NCOR1: variants seen among roughly 807,000 people sequenced by gnomAD.
NCOR1 encodes the protein protein phosphatase 1, regulatory subunit 109.
A neutral mutation model predicts 288.1 loss-of-function variants in NCOR1; 63 were observed. The ratio of observed to expected loss-of-function variants is 0.22; its 90% confidence interval spans 0.18 to 0.27. NCOR1 has a LOEUF of 0.27. Ranked by LOEUF, NCOR1 falls within the 10% of genes least tolerant of loss-of-function variation. The probability of loss-of-function intolerance (pLI) is 1.00; values close to 1 mark genes in which losing one functional copy is unlikely to be tolerated. For synonymous variants in NCOR1, 1,007 were observed against 1,065.9 expected (o/e 0.94, Z 1.08); for missense variants, 2,397 against 3,019.2 (o/e 0.79, Z 4.83).
intron 37 of NCOR1, among the ~76,000 whole-genome samples, chr17:16,059,565 G>C (rs1395161167): frequency 6.6e-6 from 1 of 152,228 alleles, no homozygotes; most frequent in Admixed American, 6.5e-5. Flanking sequence ...AGAGGGCTAT[G>C]CAGTGGGGCT....
At chr17:16,103,054 C>T (rs959067516) in intron 19 of NCOR1, among the ~76,000 whole-genome samples, 1 of 152,140 alleles carries the variant, frequency 6.6e-6, no homozygotes, top group African/African-American at 2.4e-5. Flanking sequence ...GTTCTATAAT[C>T]GTTTATATTG....
chr17:16,117,430 T>G (rs986628187), intron 18 of NCOR1, among the ~76,000 whole-genome samples: 3 of 151,586 alleles, frequency 2.0e-5, no homozygotes, highest in Non-Finnish European at 4.4e-5. Context: ...TACTAAAAAT[T>G]TAGCATACCT....
intron 2 of NCOR1, among the ~76,000 whole-genome samples, chr17:16,193,385 G>A (rs895460705): frequency 2.6e-5 from 4 of 151,788 alleles, no homozygotes; most frequent in Non-Finnish European, 5.9e-5. Context: ...TGCCTGCCAC[G>A]ATGCCTGGCT....
chr17:16,160,567 G>A (rs1253905870), intron 5 of NCOR1, among the ~76,000 whole-genome samples: 1 of 152,210 alleles, frequency 6.6e-6, no homozygotes, highest in African/African-American at 2.4e-5. Flanking sequence ...CAAGACGGTA[G>A]ATCACTTGAG....
Position 16,112,673 on chromosome 17 carries a change from T to C in NCOR1, c.2056-3761A>G, listed in dbSNP as rs146759108. Among the ~76,000 whole-genome samples the C allele has an allele frequency of 2.6e-5, 4 of 152,164 alleles. No individual in the cohort carries two copies. In the East Asian group the frequency reaches 7.7e-4, roughly 29 times the overall value. ...ACCCAGCTAATTTTTGTATTTTTAG[T>C]AGAGACAGGGTTTCACCACGTTGGC... On this transcript the variant is annotated intron_variant, in intron 18 of 45. Transcript: ENST00000268712.
At chr17:16,138,260 C>T (rs1440669545) in intron 12 of NCOR1, 48 bp from the exon 13 acceptor site, 1 of 1,446,794 alleles carries the variant, frequency 6.9e-7, no homozygotes, top group Admixed American at 2.0e-5. Context: ...AATATTTCAA[C>T]AACTAAAAAA....
intron 4 of NCOR1, among the ~76,000 whole-genome samples, chr17:16,171,371 T>C (rs994176698): frequency 2.0e-5 from 3 of 152,184 alleles, no homozygotes; most frequent in African/African-American, 7.2e-5. Flanking sequence ...ATAGAACTTA[T>C]ATGCACAATT....
intron 5 of NCOR1, among the ~76,000 whole-genome samples, chr17:16,164,026 G>A (rs1210333160): frequency 1.3e-5 from 2 of 152,132 alleles, no homozygotes; most frequent in Non-Finnish European, 2.9e-5. Flanking sequence ...TAGGTATGGA[G>A]TTTCTTTTTG....
chr17:16,121,089 T>C lies in NCOR1; in HGVS notation c.1815A>G (p.Glu605=), dbSNP rs998949594. The change falls in exon 16 of 46, where the codon GAA becomes GAG. Residue 605 remains glutamate, a synonymous_variant. Transcript: ENST00000268712. ...AASAAAAAAT[E]EPPPPLPPPP... ...GCGGTGGCAGAGGTGGTGGGGGCTC[T>C]TCAGTAGCCGCTGCGGCTGCAGCAC... 4 of 1,613,998 alleles carry C rather than the reference T, an allele frequency of 2.5e-6. No individual in the cohort carries two copies. The African/African-American group carries it at 5.3e-5, about 22-fold the overall frequency.
chr17:16,082,941 A>T (rs535073120), intron 23 of NCOR1, among the ~76,000 whole-genome samples: 1 of 152,192 alleles, frequency 6.6e-6, no homozygotes, highest in Non-Finnish European at 1.5e-5. Context: ...TCTGCCTAAC[A>T]GTAAAATACT....
rs148956625 is a variant in NCOR1 at position 16,045,723 on chromosome 17, C to T, written c.6679+1228G>A. On this transcript the variant is annotated intron_variant, in intron 42 of 45. Coordinates refer to ENST00000268712, the MANE Select transcript of NCOR1 (RefSeq NM_006311.4). Reference sequence around the variant, plus strand: ...GTTTCACCATCTTGCCCAGGCTGGCCTCAAACTCTTGATCTCAGGTGATCA... The same window carrying T: ...GTTTCACCATCTTGCCCAGGCTGGCTTCAAACTCTTGATCTCAGGTGATCA... Among the ~76,000 whole-genome samples, 1,254 of 152,234 alleles carry T rather than the reference C, an allele frequency of 8.2e-3. 16 individuals carry two copies. The highest frequency in any genetic ancestry group is 0.028 in the African/African-American group (1,183 of 41,528).
At chr17:16,107,469 A>G (rs961405669) in intron 19 of NCOR1, among the ~76,000 whole-genome samples, 18 of 152,190 alleles carry the variant, frequency 1.2e-4, no homozygotes, top group Non-Finnish European at 1.5e-5. Context: ...TCTGCAAGCC[A>G]CAAAGACAGC....
Position 16,038,409 on chromosome 17 carries a change from T to C in NCOR1, c.6955+1024A>G, listed in dbSNP as rs570644771. Among the ~76,000 whole-genome samples, 3 of 150,334 alleles carry C rather than the reference T, an allele frequency of 2.0e-5. No individual in the cohort carries two copies. In the East Asian group the frequency reaches 5.8e-4, roughly 29 times the overall value. ...CCGGATGATGTGATCTGAAGAACTG[T>C]TTCTTTTTCTTCCCTTTTTCCTACT... On this transcript the variant is annotated intron_variant, in intron 44 of 45. Transcript: ENST00000268712.
rs535573750 is a variant in NCOR1 at position 16,073,648 on chromosome 17, C to G, written c.3671-79G>C. The G allele has an allele frequency of 1.1e-4, 124 of 1,146,146 alleles. No individual in the cohort carries two copies. The South Asian group carries it at 3.6e-3, about 33-fold the overall frequency. The allele number at this position is 1,146,146 out of a possible 1,614,324, so 71.0% of individuals were successfully genotyped here. A position where few individuals can be genotyped will look rare whatever the true frequency, so the allele number is the denominator to read the frequency against. On this transcript the variant is annotated intron_variant, in intron 27 of 45. Transcript: ENST00000268712. ...ACAGTAAATAGGTTAGTTTCATAGT[C>G]TATCTTATAAAAATAATAATATTAA...
rs199552898 is a variant in NCOR1, at chr17:16,127,746, GAT to G, written c.1510-1542_1510-1541del. Among the ~76,000 whole-genome samples, 81 of 99,300 alleles carry G rather than the reference GAT, an allele frequency of 8.2e-4. 2 individuals are homozygous for G. The highest frequency in any genetic ancestry group is 1.4e-3 in the Non-Finnish European group (60 of 44,412). The allele number at this position is 99,300 out of a possible 152,430, so 65.1% of individuals were successfully genotyped here. The stretch of plus-strand genomic sequence containing the variant: ...ACATATATGTGTATATATGTGTGGA[GAT>G]ATATATATATATCTCTCATAGTATA... On this transcript the variant is annotated intron_variant, in intron 14 of 45. Coordinates refer to ENST00000268712, the MANE Select transcript of NCOR1 (RefSeq NM_006311.4).
At position 16,145,558 on chromosome 17, in the gene NCOR1, C is replaced by A. The variant is rs2077806949; in HGVS notation, c.1082+818G>T. Reference sequence around the variant, plus strand: ...CGTCTCTGCCCCGCCGCCACCCTGTCTGGGAGGTGATGAGCGTCTCTGCCC... The same window carrying A: ...CGTCTCTGCCCCGCCGCCACCCTGTATGGGAGGTGATGAGCGTCTCTGCCC... On this transcript the variant is annotated intron_variant, in intron 10 of 45. Coordinates refer to ENST00000268712, the MANE Select transcript of NCOR1 (RefSeq NM_006311.4). Among the ~76,000 whole-genome samples the A allele has an allele frequency of 2.0e-5, 3 of 149,202 alleles. 1 individual carries two copies. The highest frequency in any genetic ancestry group is 3.0e-5 in the Non-Finnish European group (2 of 66,290).
intron 11 of NCOR1, among the ~76,000 whole-genome samples, chr17:16,139,555 T>G (rs550877804): frequency 1.1e-4 from 17 of 152,314 alleles, no homozygotes; most frequent in Non-Finnish European, 2.2e-4. Flanking sequence ...GTCTCATTTT[T>G]TAAAGTCTCA....
At position 16,137,350 on chromosome 17, in the gene NCOR1, G is replaced by T. The variant is rs141474586; in HGVS notation, c.1470C>A (p.Leu490=). The T allele has an allele frequency of 2.5e-6, 4 of 1,603,684 alleles. No individual in the cohort carries two copies. The South Asian group carries it at 4.5e-5, about 18-fold the overall frequency. ...TGCGTTTCCCATAATTCCTTCTGAC[G>T]AGGGCTTTATAATTCTCATTTTTCT... The part of the protein sequence containing the change: ...LTKKNENYKA[L]VRRNYGKRRG... The change falls in exon 14 of 46, where the codon CTC becomes CTA. Residue 490 remains leucine (L), a synonymous_variant. Coordinates refer to ENST00000268712, the MANE Select transcript of NCOR1 (RefSeq NM_006311.4).
Position 16,091,907 on chromosome 17 carries a change from G to A in NCOR1, c.2972C>T (p.Thr991Ile), listed in dbSNP as rs1398358119. 6.2e-7 allele frequency: 1 copy of A among 1,613,994 alleles called. No homozygotes were observed. The highest frequency in any genetic ancestry group is 8.5e-7 in the Non-Finnish European group (1 of 1,180,026). ...EQIDLECRSS[T>I]SPCGTSKSPN... ...ACTCTTGGATGTGCCACATGGACTTGTAGAACTTCTACATTCCAAATCTAT... is the reference window on the plus strand; with the variant it reads ...ACTCTTGGATGTGCCACATGGACTTATAGAACTTCTACATTCCAAATCTAT... Residue 991 changes from threonine (T) to isoleucine (I), a missense_variant, in exon 22 of 46, where the codon ACA (threonine) becomes ATA (isoleucine). Thr to Ile is a moderately conservative substitution (Grantham distance 89). This residue lies in a region of NCOR1 where 1,872 missense variants were observed against 2,187.8 expected (regional missense o/e 0.86). Coordinates refer to ENST00000268712, the MANE Select transcript of NCOR1 (RefSeq NM_006311.4).
Sources: gnomAD v4.1 joint callset for allele counts (sites outside exome capture counted in the v4.1 genomes callset) on GRCh38, gnomAD v4.1.1 for gene constraint, gnomAD v4.1.1 regional missense constraint, MANE v1.5 for transcripts, NCBI Gene and HGNC (gene_info 2026-07-23, HGNC 2026-07-21) for gene names.